LRMDA: variants seen among roughly 807,000 people sequenced by gnomAD.
LRMDA encodes the protein leucine-rich melanocyte differentiation-associated protein.
A neutral mutation model predicts 29.8 loss-of-function variants in LRMDA; 18 were observed. The observed-to-expected ratio is 0.60, with a 90% confidence interval of 0.42 to 0.90. The LOEUF is 0.90. Among genes scored for constraint, LRMDA ranks in the 40% least tolerant of loss-of-function variants. The pLI is 0.00. For synonymous variants in LRMDA, 125 were observed against 109.4 expected (o/e 1.14, Z -0.89); for missense variants, 273 against 273.9 (o/e 1.00, Z 0.02).
chr10:76,252,202 G>T (rs1852497956), intron 5 of LRMDA, among the ~76,000 whole-genome samples: 1 of 152,170 alleles, frequency 6.6e-6, no homozygotes, highest in Non-Finnish European at 1.5e-5. Context: ...ACCGGGAGAA[G>T]GAACGTTCAC....
intron 2 of LRMDA, among the ~76,000 whole-genome samples, chr10:75,933,888 A>C (rs930455679): frequency 6.6e-6 from 1 of 152,096 alleles, no homozygotes; most frequent in Non-Finnish European, 1.5e-5. Flanking sequence ...TCTCCCTCCT[A>C]GTTGCTCACT....
chr10:76,187,081 G>A (rs577479718), intron 5 of LRMDA, among the ~76,000 whole-genome samples: 11 of 152,192 alleles, frequency 7.2e-5, no homozygotes, highest in Admixed American at 5.2e-4. Flanking sequence ...GAGGCAAAAT[G>A]TACCCCCTTC....
intron 2 of LRMDA, among the ~76,000 whole-genome samples, chr10:76,033,619 G>A (rs1554841974): frequency 6.6e-6 from 1 of 152,142 alleles, no homozygotes; most frequent in Non-Finnish European, 1.5e-5. Context: ...CTCATCAGAA[G>A]AATCTAATAT....
At chr10:75,895,774 G>A (rs1396734115) in intron 2 of LRMDA, among the ~76,000 whole-genome samples, 2 of 152,182 alleles carry the variant, frequency 1.3e-5, no homozygotes, top group Non-Finnish European at 2.9e-5. Flanking sequence ...TGAAATAAGC[G>A]GGTTTATGTT....
At position 75,503,181 on chromosome 10, in the gene LRMDA, C is replaced by T. The variant is rs958911439; in HGVS notation, c.131+64687C>T. Among the ~76,000 whole-genome samples the T allele has an allele frequency of 1.4e-4, 21 of 151,758 alleles. 2 individuals are homozygous for T. The highest frequency in any genetic ancestry group is 4.8e-4 in the African/African-American group (20 of 41,326). ...GAGGCTGCCCACTGTTAGTTGATAG[C>T]CTGTTTTTTTTTTTTTTATTATTAC... On this transcript the variant is annotated intron_variant, in intron 2 of 6. Transcript: ENST00000611255.
intron 2 of LRMDA, among the ~76,000 whole-genome samples, chr10:75,582,336 G>A (rs559133495): frequency 5.9e-5 from 9 of 151,356 alleles, no homozygotes; most frequent in Admixed American, 4.6e-4. Flanking sequence ...TGAAATCTAG[G>A]TGGAGTCTCC....
chr10:75,743,095 G>A lies in LRMDA; in HGVS notation c.132-292913G>A, dbSNP rs12768347. The stretch of plus-strand genomic sequence containing the variant: ...GGAAGATTATGGTCTGTGTGGAGAC[G>A]AAAGCTGCCCACAAGGGAGCGAGGG... On this transcript the variant is annotated intron_variant, in intron 2 of 6. Transcript: ENST00000611255. Among the ~76,000 whole-genome samples, 233 of 152,194 alleles carry A rather than the reference G, an allele frequency of 1.5e-3. 1 individual carries two copies. The highest frequency in any genetic ancestry group is 2.1e-3 in the Non-Finnish European group (140 of 68,006).
At chr10:75,978,047 A>G (rs891223886) in intron 2 of LRMDA, among the ~76,000 whole-genome samples, 8 of 152,212 alleles carry the variant, frequency 5.3e-5, no homozygotes, top group African/African-American at 1.7e-4. Context: ...TCCCAGGGCT[A>G]TTCAGTTCAT....
chr10:75,561,619 T>C (rs201910593), intron 2 of LRMDA, among the ~76,000 whole-genome samples: 105,963 of 144,672 alleles, frequency 0.73, 38,651 homozygotes, highest in East Asian at 0.84. Context: ...TTAATTGTGA[T>C]GTTAGGGTGT....
chr10:76,493,453 G>T (rs1842853251), intron 6 of LRMDA, among the ~76,000 whole-genome samples: 1 of 152,028 alleles, frequency 6.6e-6, no homozygotes, highest in African/African-American at 2.4e-5. Flanking sequence ...AAGAGCCAAG[G>T]CCTGGAATCA....
intron 6 of LRMDA, among the ~76,000 whole-genome samples, chr10:76,484,260 T>C (rs531262506): frequency 2.2e-4 from 33 of 151,876 alleles, no homozygotes; most frequent in African/African-American, 6.7e-4. Flanking sequence ...GTCATTCTTC[T>C]TTTCCTCCAA....
In LRMDA at chr10:75,776,974, A is replaced by G. The variant is rs140761023; in HGVS notation, c.132-259034A>G. On this transcript the variant is annotated intron_variant, in intron 2 of 6. Transcript: ENST00000611255. ...AATATTGCTCATTCTGATATGCTTA[A>G]GGAGCGAGGAGGGGGCATTGCCCAT... Among the ~76,000 whole-genome samples, 547 of 152,382 alleles carry G rather than the reference A, an allele frequency of 3.6e-3. 6 individuals are homozygous for G. The highest frequency in any genetic ancestry group is 0.012 in the African/African-American group (512 of 41,604).
chr10:75,881,800 A>C (rs1436645417), intron 2 of LRMDA, among the ~76,000 whole-genome samples: 2 of 152,126 alleles, frequency 1.3e-5, no homozygotes, highest in Non-Finnish European at 2.9e-5. Context: ...ATTTTCAATA[A>C]ATTTCTGCTT....
At chr10:75,613,195 T>C (rs1403837428) in intron 2 of LRMDA, among the ~76,000 whole-genome samples, 1 of 152,150 alleles carries the variant, frequency 6.6e-6, no homozygotes, top group Non-Finnish European at 1.5e-5. Flanking sequence ...CCTCTTTTCT[T>C]CCACAATCCC....
At chr10:75,567,651 G>C (rs533662800) in intron 2 of LRMDA, among the ~76,000 whole-genome samples, 1 of 152,246 alleles carries the variant, frequency 6.6e-6, no homozygotes, top group South Asian at 2.1e-4. Flanking sequence ...GGAGGAACTT[G>C]GTTTTGTGCC....
intron 2 of LRMDA, among the ~76,000 whole-genome samples, chr10:75,657,395 G>A (rs980923854): frequency 7.9e-5 from 12 of 152,164 alleles, no homozygotes; most frequent in African/African-American, 1.4e-4. Context: ...GTGAAAGCGT[G>A]GTAGGCGCTT....
chr10:76,011,926 G>A (rs1390651495), intron 2 of LRMDA, among the ~76,000 whole-genome samples: 1 of 152,178 alleles, frequency 6.6e-6, no homozygotes, highest in African/African-American at 2.4e-5. Context: ...AAGCCATGCT[G>A]GATAGTGTCC....
intron 2 of LRMDA, among the ~76,000 whole-genome samples, chr10:76,011,967 TAGG>T (rs781679637): frequency 6.6e-6 from 1 of 151,978 alleles, no homozygotes; most frequent in South Asian, 2.1e-4. Context: ...AAGTCCAGGA[TAGG>T]AGGAGGAGGA....
At chr10:76,021,704 C>T (rs954857885) in intron 2 of LRMDA, among the ~76,000 whole-genome samples, 1 of 152,282 alleles carries the variant, frequency 6.6e-6, no homozygotes, top group East Asian at 1.9e-4. Flanking sequence ...ACTCTTAAGC[C>T]AGGCCTCTCC....
Sources: allele counts gnomAD v4.1 joint callset (sites outside exome capture counted in the v4.1 genomes callset), GRCh38; gene constraint gnomAD v4.1.1; transcripts MANE v1.5; gene names NCBI Gene and HGNC (gene_info 2026-07-23, HGNC 2026-07-21).